Variants in OGFOD2 observed in about 807,000 individuals in gnomAD.
OGFOD2 encodes the protein 2-oxoglutarate and iron dependent oxygenase domain containing 2, also known as 2-oxoglutarate and iron-dependent oxygenase domain-containing protein 2.
OGFOD2 carries 34 observed loss-of-function variants against 31.1 expected under a neutral mutation model. The observed-to-expected ratio is 1.09, with a 90% CI of 0.83 to 1.45. The LOEUF is 1.45. OGFOD2 is among the 40% of genes most tolerant of loss of function. OGFOD2 has a pLI of 0.00. For synonymous variants in OGFOD2, 240 were observed against 192.3 expected, an observed-to-expected ratio of 1.25 and a Z score of -2.05; for missense variants, 537 against 433.9, an observed-to-expected ratio of 1.24 and a Z score of -2.11.
intron 2 of OGFOD2, chr12:122,976,386 G>A: frequency 1.9e-6 from 3 of 1,613,884 alleles, no homozygotes; most frequent in Non-Finnish European, 2.5e-6. Flanking sequence ...TCCCTGTGTG[G>A]GCCCAGATGG....
At chr12:122,976,465 C>T (rs1233111765) in intron 2 of OGFOD2, 189 bp from the exon 3 acceptor site, 2 of 1,559,770 alleles carry the variant, frequency 1.3e-6, no homozygotes, top group African/African-American at 2.7e-5. Flanking sequence ...AGGATGGGTC[C>T]CCTTCTAGAA....
intron 4 of OGFOD2, chr12:122,978,206 T>C (rs893472555): frequency 4.3e-6 from 2 of 465,776 alleles, no homozygotes; most frequent in Non-Finnish European, 7.8e-6. Context: ...ATATGTGAGC[T>C]CCCAGGGCCA....
At chr12:122,978,297 A>T in intron 4 of OGFOD2, 145 bp from the exon 5 acceptor site, 5 of 999,640 alleles carry the variant, frequency 5.0e-6, no homozygotes, top group Non-Finnish European at 7.3e-6. Context: ...CCTGCTCCTC[A>T]TGTTACTTCC....
Position 122,975,549 on chromosome 12 carries a change from A to G in OGFOD2, c.132+166A>G. ...GGTTTTCTCACCGTAAAGGGGTAAT[A>G]GTATCTCCCTGTGAGATTGTGAGGA... On this transcript the variant is annotated intron_variant, in intron 1 of 6. Transcript: ENST00000228922. 5 of 594,938 alleles carry G rather than the reference A, an allele frequency of 8.4e-6. No homozygotes were observed. The South Asian group carries it at 9.9e-5, about 12-fold the overall frequency. The allele number at this position is 594,938 out of a possible 1,614,324, so 36.9% of individuals were successfully genotyped here. A position where few individuals can be genotyped will look rare whatever the true frequency, so the allele number is the denominator to read the frequency against.
intron 1 of OGFOD2, 132 bp downstream of exon 1, chr12:122,975,515 C>G: frequency 1.7e-6 from 1 of 594,226 alleles, no homozygotes. Context: ...GACGGCCTCT[C>G]TCTGCCTCGG....
intron 1 of OGFOD2, 40 bp downstream of exon 1, chr12:122,975,423 G>C (rs754169424): frequency 1.5e-6 from 1 of 663,880 alleles, no homozygotes; most frequent in African/African-American, 1.8e-5. Context: ...AGTGGGCAGA[G>C]AGGGGTAGTG....
upstream of OGFOD2, chr12:122,975,194 G>A: frequency 1.9e-6 from 1 of 539,436 alleles, no homozygotes. Flanking sequence ...GCCTCCCGCG[G>A]TTGGGGGCGT....
At chr12:122,979,813 C>T (rs1307739762) in exon 7 of OGFOD2, 2 of 205,498 alleles carry the variant, frequency 9.7e-6, no homozygotes, top group East Asian at 1.1e-4. Context: ...AGGCATCACC[C>T]CCCAGTGGAC....
chr12:122,978,488 C>T lies in OGFOD2; in HGVS notation c.450C>T (p.Cys150=), dbSNP rs1328951798. 1.9e-6 allele frequency: 3 copies of T among 1,613,596 alleles called. No individual in the cohort carries two copies. The Admixed American group carries it at 5.0e-5, about 27-fold the overall frequency. The change falls in exon 5 of 7, where the codon TGC becomes TGT. Residue 150 remains cysteine (C), a synonymous_variant. Transcript: ENST00000228922. ...TGCCTGTTTTCACAGCGCCCTTCTG[C>T]CAGGCCCTGCTGGAAGAGCTGGAGC... is the stretch of plus-strand genomic sequence containing the variant.
Position 122,978,898 on chromosome 12 carries a change from CG to C in OGFOD2, c.680del (p.Gly227AlafsTer42). The C allele has an allele frequency of 6.2e-7, 1 of 1,612,862 alleles. No individual in the cohort carries two copies. The highest frequency in any genetic ancestry group is 8.5e-7 in the Non-Finnish European group (1 of 1,179,948). On this transcript the variant is annotated frameshift_variant, in exon 6 of 7. Transcript: ENST00000228922. LOFTEE classifies it high-confidence loss of function. ...CGGGCCTTTGTGGTCAAATACGCAC[CG>C]GGCCAGGACCTGGAGCTGGGCTGCC...
chr12:122,978,858 C>A lies in OGFOD2; in HGVS notation c.637C>A (p.Arg213=), dbSNP rs749515045. 8 of 1,610,876 alleles carry A rather than the reference C, an allele frequency of 5.0e-6. No individual in the cohort carries two copies. The Admixed American group carries it at 1.3e-4, about 27-fold the overall frequency. Residue 213 remains arginine, a synonymous_variant, in exon 6 of 7, where the codon CGG becomes AGG. Transcript: ENST00000228922. Reference sequence around the variant, plus strand: ...GCTGTACCCTGACTGTGGCGGGGGCCGGCTCGACAGCCACCGGGCCTTTGT... The same window carrying A: ...GCTGTACCCTGACTGTGGCGGGGGCAGGCTCGACAGCCACCGGGCCTTTGT...
exon 5 of OGFOD2, chr12:122,978,481 C>T (rs1566212410): frequency 6.2e-7 from 1 of 1,613,634 alleles, no homozygotes; most frequent in Non-Finnish European, 8.5e-7. Flanking sequence ...TTCACAGCGC[C>T]CTTCTGCCAG....
Position 122,975,361 on chromosome 12 carries a change from AG to A in OGFOD2, c.111del (p.Gln37HisfsTer25). ...CACGTGCGCTTCCGAGGCGAGCAGC[AG>A]CTGCGCCGGGACTACGGCCCGGTGA... On this transcript the variant is annotated frameshift_variant, in exon 1 of 7. Transcript: ENST00000228922. LOFTEE classifies it high-confidence loss of function. 1.4e-6 allele frequency: 1 copy of A among 701,358 alleles called. No homozygotes were observed. Among genetic ancestry groups the A allele is most frequent in the Non-Finnish European group, 2.6e-6 (1 of 383,862 alleles). The allele number at this position is 701,358 out of a possible 1,614,324, so 43.4% of individuals were successfully genotyped here. A position where few individuals can be genotyped will look rare whatever the true frequency, so the allele number is the denominator to read the frequency against.
exon 7 of OGFOD2, chr12:122,979,690 A>G: frequency 3.3e-6 from 1 of 300,480 alleles, no homozygotes; most frequent in Non-Finnish European, 6.3e-6. Flanking sequence ...TGGCTCCTGG[A>G]TGAGGGGGCC....
At chr12:122,975,214 C>T (rs2037375580), upstream of OGFOD2, 1 of 576,594 alleles carries the variant, frequency 1.7e-6, no homozygotes, top group Non-Finnish European at 3.2e-6. Flanking sequence ...TGCCCGAAGT[C>T]TCTCTACGGA....
At chr12:122,978,892 A>G (rs768245125) in exon 6 of OGFOD2, 1 of 1,612,686 alleles carries the variant, frequency 6.2e-7, no homozygotes, top group Non-Finnish European at 8.5e-7. Context: ...GTGGTCAAAT[A>G]CGCACCGGGC....
At chr12:122,976,912 C>T (rs1266184879) in exon 4 of OGFOD2, 59 of 1,613,232 alleles carry the variant, frequency 3.7e-5, no homozygotes, top group Non-Finnish European at 4.7e-5. Context: ...TGACTGAGTA[C>T]AGCGTGTCCC....
chr12:122,978,122 A>T (rs911182348), intron 4 of OGFOD2: 3 of 238,114 alleles, frequency 1.3e-5, no homozygotes, highest in Admixed American at 9.2e-5. Context: ...TGGCTCTGTG[A>T]TCCCGACTTG....
At chr12:122,978,528 G>A in exon 5 of OGFOD2, 4 of 1,613,450 alleles carry the variant, frequency 2.5e-6, no homozygotes, top group Non-Finnish European at 3.4e-6. Context: ...CGAGCAATCG[G>A]ACATGCCTAA....
Sources: gnomAD v4.1 joint callset for allele counts on GRCh38, gnomAD v4.1.1 for gene constraint, MANE v1.5 for transcripts, NCBI Gene and HGNC (gene_info 2026-07-23, HGNC 2026-07-21) for gene names.